Variants in ASTN2 observed in about 807,000 individuals in gnomAD.
The protein encoded by ASTN2 is astrotactin 2, also known as astrotactin-2.
ASTN2 carries 54 observed loss-of-function variants against 139.8 expected under a neutral mutation model. The observed-to-expected ratio is 0.39, with a 90% confidence interval of 0.31 to 0.48. The LOEUF (loss-of-function observed/expected upper bound fraction) is 0.48, where lower values mean the gene tolerates loss of function less well. Among genes scored for constraint, ASTN2 ranks in the 20% least tolerant of loss-of-function variants. The pLI is 0.95. For synonymous variants in ASTN2, 756 were observed against 719.5 expected (o/e 1.05, Z -0.81); for missense variants, 1,565 against 1,725.1 (o/e 0.91, Z 1.64).
intron 19 of ASTN2, among the ~76,000 whole-genome samples, chr9:116,609,124 T>C (rs1855372780): frequency 6.6e-6 from 1 of 151,792 alleles, no homozygotes; most frequent in Non-Finnish European, 1.5e-5. Flanking sequence ...ATACATGTTG[T>C]TGGAGGAAAA....
intron 16 of ASTN2, among the ~76,000 whole-genome samples, chr9:116,681,275 T>C (rs1090019): frequency 0.45 from 68,270 of 151,892 alleles, 15,631 homozygotes; most frequent in Admixed American, 0.53. Context: ...CCATTCACAA[T>C]TGCTTCAAAG....
At chr9:117,188,059 G>C (rs1391725319) in intron 3 of ASTN2, among the ~76,000 whole-genome samples, 1 of 151,884 alleles carries the variant, frequency 6.6e-6, no homozygotes, top group Non-Finnish European at 1.5e-5. Flanking sequence ...ATTGTAGAAT[G>C]TTAAGCAGCA....
At chr9:117,132,784 A>G (rs762901878) in intron 4 of ASTN2, among the ~76,000 whole-genome samples, 2 of 152,100 alleles carry the variant, frequency 1.3e-5, no homozygotes, top group Non-Finnish European at 1.5e-5. Flanking sequence ...AAAGCCAGAG[A>G]CTGAGGGAAA....
At chr9:117,383,817 T>A (rs747067840) in intron 1 of ASTN2, among the ~76,000 whole-genome samples, 55 of 152,206 alleles carry the variant, frequency 3.6e-4, no homozygotes, top group Non-Finnish European at 6.9e-4. Flanking sequence ...CTGATACAAA[T>A]GGAGCCGGGT....
intron 7 of ASTN2, among the ~76,000 whole-genome samples, chr9:116,988,082 G>A (rs1006813914): frequency 6.6e-6 from 1 of 152,142 alleles, no homozygotes; most frequent in Non-Finnish European, 1.5e-5. Flanking sequence ...TGTGGGTAAC[G>A]GATACTGTAG....
At chr9:116,965,764 GCTTCC>G (rs1471811964) in intron 10 of ASTN2, among the ~76,000 whole-genome samples, 2 of 152,158 alleles carry the variant, frequency 1.3e-5, no homozygotes, top group Admixed American at 1.3e-4. Flanking sequence ...AGCAGAAAGG[GCTTCC>G]ATGCAGGAAG....
intron 2 of ASTN2, 119 bp from the exon 3 acceptor site, chr9:117,214,861 A>T (rs1832261666): frequency 1.7e-6 from 2 of 1,166,374 alleles, no homozygotes; most frequent in African/African-American, 3.1e-5. Context: ...ATAGAGCCTC[A>T]GGAACCACCA....
At chr9:117,395,703 T>C (rs1007917917) in intron 1 of ASTN2, among the ~76,000 whole-genome samples, 2 of 152,038 alleles carry the variant, frequency 1.3e-5, no homozygotes, top group Non-Finnish European at 2.9e-5. Context: ...CCTGGAGTTG[T>C]GAATTTAGAT....
intron 19 of ASTN2, among the ~76,000 whole-genome samples, chr9:116,513,662 C>T (rs1005922233): frequency 6.6e-6 from 1 of 152,200 alleles, no homozygotes; most frequent in African/African-American, 2.4e-5. Flanking sequence ...TTGGTCTTTT[C>T]ACATAGTCCC....
chr9:117,310,789 T>C (rs527950471), intron 1 of ASTN2, among the ~76,000 whole-genome samples: 74 of 152,212 alleles, frequency 4.9e-4, no homozygotes, highest in Non-Finnish European at 8.8e-4. Context: ...CACACCCAGA[T>C]AATGTTTTAT....
intron 13 of ASTN2, among the ~76,000 whole-genome samples, chr9:116,770,946 C>T (rs1829939337): frequency 1.3e-5 from 2 of 152,154 alleles, no homozygotes; most frequent in Admixed American, 1.3e-4. Flanking sequence ...TGGAGCTTCA[C>T]CACCTCTCTG....
intron 1 of ASTN2, among the ~76,000 whole-genome samples, chr9:117,297,320 G>C (rs1834760855): frequency 6.6e-6 from 1 of 152,194 alleles, no homozygotes; most frequent in Non-Finnish European, 1.5e-5. Flanking sequence ...TAGTGGTGTT[G>C]ACTTTAACCA....
Position 116,615,860 on chromosome 9 carries a change from A to G in ASTN2, c.3355+2464T>C, listed in dbSNP as rs1855825065. ...TGCACGTTGTACACATGTACCCTAG[A>G]ACTTAAAGTATAATAAAAAAAATAA... is the stretch of plus-strand genomic sequence containing the variant. On this transcript the variant is annotated intron_variant, in intron 19 of 22. Transcript: ENST00000313400. Among the ~76,000 whole-genome samples, 5 of 152,108 alleles carry G rather than the reference A, an allele frequency of 3.3e-5. No homozygotes were observed. In the South Asian group the frequency reaches 8.3e-4, roughly 25 times the overall value.
intron 19 of ASTN2, among the ~76,000 whole-genome samples, chr9:116,563,337 T>A (rs1405332879): frequency 2.0e-5 from 3 of 151,516 alleles, no homozygotes; most frequent in African/African-American, 7.3e-5. Flanking sequence ...ATCACGCCAC[T>A]GCACTCCAGC....
intron 7 of ASTN2, among the ~76,000 whole-genome samples, chr9:116,978,470 A>ATCTC (rs147901303): frequency 0.022 from 3,071 of 141,816 alleles, 111 homozygotes; most frequent in African/African-American, 0.076. Flanking sequence ...CTCTGTATGT[A>ATCTC]TCTCTCTCTC....
chr9:117,139,877 T>C (rs1407300005), intron 4 of ASTN2, among the ~76,000 whole-genome samples: 1 of 152,168 alleles, frequency 6.6e-6, no homozygotes, highest in East Asian at 1.9e-4. Context: ...AAAAGACAGG[T>C]AGAATTTCAT....
intron 1 of ASTN2, among the ~76,000 whole-genome samples, chr9:117,321,842 C>A (rs1405266223): frequency 1.3e-5 from 2 of 152,154 alleles, no homozygotes; most frequent in Non-Finnish European, 2.9e-5. Context: ...TCATTAGACA[C>A]CAGTAGCATT....
intron 6 of ASTN2, among the ~76,000 whole-genome samples, chr9:117,029,401 T>C (rs544695011): frequency 1.3e-5 from 2 of 152,212 alleles, no homozygotes; most frequent in African/African-American, 4.8e-5. Flanking sequence ...TCCAGATAAG[T>C]GTCAATGGCT....
rs115631322 is a variant in ASTN2 at position 117,397,363 on chromosome 9, T to A, written c.442+17134A>T. Among the ~76,000 whole-genome samples the A allele has an allele frequency of 9.4e-3, 1,423 of 152,076 alleles. 26 individuals are homozygous for A. Among genetic ancestry groups the A allele is most frequent in the African/African-American group, 0.033 (1,372 of 41,474 alleles). ...GGAGGACTAAGTTGATTATACTATT[T>A]AAAAAAAACAAAGAAAGTCACTTAA... On this transcript the variant is annotated intron_variant, in intron 1 of 22. Transcript: ENST00000313400.
Sources: allele counts gnomAD v4.1 joint callset (sites outside exome capture counted in the v4.1 genomes callset), GRCh38; gene constraint gnomAD v4.1.1; transcripts MANE v1.5; gene names NCBI Gene and HGNC (gene_info 2026-07-23, HGNC 2026-07-21).